The following CTNNBL1 variants were observed in gnomAD, a reference collection of about 807,000 sequenced individuals.
CTNNBL1 encodes beta-catenin-like protein 1.
Under a neutral mutation model 72.7 loss-of-function variants are expected in CTNNBL1, and 31 were observed. The observed-to-expected ratio is 0.43, with a 90% CI of 0.32 to 0.58. The LOEUF (loss-of-function observed/expected upper bound fraction) is 0.58, where lower values mean the gene tolerates loss of function less well. Ranked by LOEUF, CTNNBL1 falls within the 20% of genes least tolerant of loss-of-function variation. The pLI is 0.08. For synonymous variants in CTNNBL1, 240 were observed against 267.3 expected (o/e 0.90, Z 1.00); for missense variants, 534 against 725.1 (o/e 0.74, Z 3.03).
At chr20:37,779,002 A>G (rs565132733) in intron 9 of CTNNBL1, among the ~76,000 whole-genome samples, 185 bp from the exon 10 acceptor site, 1 of 150,690 alleles carries the variant, frequency 6.6e-6, no homozygotes, top group East Asian at 1.9e-4. Flanking sequence ...TTTTTTTTGC[A>G]TGTATTTAAT....
chr20:37,739,042 A>G (rs1862505243), intron 3 of CTNNBL1, among the ~76,000 whole-genome samples: 1 of 151,678 alleles, frequency 6.6e-6, no homozygotes, highest in Non-Finnish European at 1.5e-5. Flanking sequence ...TTAGAGTCCT[A>G]TCAGGTTTTG....
chr20:37,803,377 G>A (rs1347231133), intron 11 of CTNNBL1, among the ~76,000 whole-genome samples: 2 of 152,128 alleles, frequency 1.3e-5, no homozygotes, highest in African/African-American at 2.4e-5. Context: ...GAGTAATGAG[G>A]TGGCAACACA....
chr20:37,854,320 A>T (rs907555804), intron 13 of CTNNBL1, among the ~76,000 whole-genome samples: 2 of 152,128 alleles, frequency 1.3e-5, no homozygotes, highest in Non-Finnish European at 2.9e-5. Context: ...CTAATTAGAG[A>T]AACTTAATTT....
At chr20:37,701,932 C>T (rs930400008) in intron 1 of CTNNBL1, among the ~76,000 whole-genome samples, 1 of 148,882 alleles carries the variant, frequency 6.7e-6, no homozygotes, top group African/African-American at 2.5e-5. Context: ...ATACATTGTA[C>T]GCTCATCTCA....
intron 10 of CTNNBL1, 62 bp from the exon 11 acceptor site, chr20:37,802,805 T>C: frequency 7.2e-7 from 1 of 1,398,518 alleles, no homozygotes; most frequent in Non-Finnish European, 9.9e-7. Context: ...ATACCCTTTT[T>C]TTTTTTTAAG....
At chr20:37,729,739 C>G (rs1203233242) in intron 1 of CTNNBL1, among the ~76,000 whole-genome samples, 1 of 152,180 alleles carries the variant, frequency 6.6e-6, no homozygotes, top group African/African-American at 2.4e-5. Flanking sequence ...TGAGGAGCTA[C>G]AGATTTCCAG....
intron 6 of CTNNBL1, 89 bp downstream of exon 6, chr20:37,765,379 G>C: frequency 1.2e-6 from 1 of 824,412 alleles, no homozygotes; most frequent in Non-Finnish European, 2.0e-6. Context: ...TCATAATAGA[G>C]TCAATAGCAG....
In CTNNBL1 at chr20:37,806,614, G is replaced by GT. The variant is rs1190178063; in HGVS notation, c.1213+3567dup. ...GTGCATGCGCAATGGGTAAACATATGTAACACATTCCATGTTCACTCTGGG... is the reference window on the plus strand; with the variant it reads ...GTGCATGCGCAATGGGTAAACATATGTTAACACATTCCATGTTCACTCTGGG... On this transcript the variant is annotated intron_variant, in intron 11 of 15. Transcript: ENST00000361383. Among the ~76,000 whole-genome samples the GT allele has an allele frequency of 2.6e-5, 4 of 152,282 alleles. No individual in the cohort carries two copies. The East Asian group carries it at 7.7e-4, about 29-fold the overall frequency.
At chr20:37,805,373 C>T (rs924786705) in intron 11 of CTNNBL1, among the ~76,000 whole-genome samples, 1 of 151,578 alleles carries the variant, frequency 6.6e-6, no homozygotes, top group Non-Finnish European at 1.5e-5. Context: ...TTTAGTTGTC[C>T]TTAGTCCTTA....
chr20:37,866,418 T>G (rs1471241069), intron 15 of CTNNBL1, among the ~76,000 whole-genome samples: 1 of 152,222 alleles, frequency 6.6e-6, no homozygotes, highest in Non-Finnish European at 1.5e-5. Context: ...TTCTAGTGTC[T>G]GACCTCAGGC....
intron 13 of CTNNBL1, among the ~76,000 whole-genome samples, chr20:37,851,831 C>T (rs915100570): frequency 4.6e-5 from 7 of 152,302 alleles, no homozygotes; most frequent in Middle Eastern, 3.4e-3. Context: ...TGTTAGGATT[C>T]GGTTTTTGCT....
At chr20:37,854,604 A>ATTT (rs1555834805) in intron 13 of CTNNBL1, among the ~76,000 whole-genome samples, 1 of 114,536 alleles carries the variant, frequency 8.7e-6, no homozygotes, top group East Asian at 2.6e-4. Context: ...TATTATTATT[A>ATTT]TTTGAGACGG....
intron 1 of CTNNBL1, among the ~76,000 whole-genome samples, chr20:37,716,106 T>G (rs1386728061): frequency 6.6e-6 from 1 of 152,224 alleles, no homozygotes; most frequent in Non-Finnish European, 1.5e-5. Context: ...AATTATTTTA[T>G]TCTACTGTTT....
In CTNNBL1 at chr20:37,701,993, G is replaced by A. The variant is rs546842346; in HGVS notation, c.30+7841G>A. Among the ~76,000 whole-genome samples the A allele has an allele frequency of 2.0e-5, 3 of 152,308 alleles. No homozygotes were observed. In the East Asian group the frequency reaches 5.8e-4, roughly 29 times the overall value. ...CGTACGCACGTGGAATGAATCATTG[G>A]TTGTTTTACAGTGCTAACAGTATAC... On this transcript the variant is annotated intron_variant, in intron 1 of 15. Transcript: ENST00000361383.
intron 11 of CTNNBL1, among the ~76,000 whole-genome samples, chr20:37,824,159 A>C (rs2072136780): frequency 6.6e-6 from 1 of 152,226 alleles, no homozygotes; most frequent in Admixed American, 6.5e-5. Context: ...AGCTATCTTC[A>C]TTAGAGGACT....
At chr20:37,711,930 A>G (rs1806703371) in intron 1 of CTNNBL1, among the ~76,000 whole-genome samples, 1 of 152,156 alleles carries the variant, frequency 6.6e-6, no homozygotes, top group African/African-American at 2.4e-5. Context: ...CTTTATTCCT[A>G]GCACCATGGG....
In CTNNBL1 at chr20:37,703,652, T is replaced by G. The variant is rs568917249; in HGVS notation, c.30+9500T>G. On this transcript the variant is annotated intron_variant, in intron 1 of 15. Transcript: ENST00000361383. The stretch of plus-strand genomic sequence containing the variant: ...GTTCAGATATCACATAATTCTCTGC[T>G]TCCTCCCCTGCCTATCCCCATGGCC... 3.9e-5 allele frequency among the ~76,000 whole-genome samples: 6 copies of G among 152,312 alleles called. No homozygotes were observed. The South Asian group carries it at 1.2e-3, about 32-fold the overall frequency.
rs112510441 is a variant in CTNNBL1 at position 37,697,028 on chromosome 20, A to G, written c.30+2876A>G. 1.6e-3 allele frequency among the ~76,000 whole-genome samples: 247 copies of G among 151,476 alleles called. 1 individual carries two copies. Among genetic ancestry groups the G allele is most frequent in the African/African-American group, 5.7e-3 (236 of 41,280 alleles). ...GAAACCATGTCTCTACTAAAAATATAAAAAATTAGCCGGGCGTGGTGGTGC... is the reference window on the plus strand; with the variant it reads ...GAAACCATGTCTCTACTAAAAATATGAAAAATTAGCCGGGCGTGGTGGTGC... On this transcript the variant is annotated intron_variant, in intron 1 of 15. Coordinates refer to ENST00000361383, the MANE Select transcript of CTNNBL1 (RefSeq NM_030877.5).
chr20:37,834,013 A>G (rs892139585), intron 11 of CTNNBL1, among the ~76,000 whole-genome samples: 3 of 152,174 alleles, frequency 2.0e-5, no homozygotes, highest in Non-Finnish European at 4.4e-5. Context: ...TCAATTGGCA[A>G]CCTATCCTTC....
Sources: gnomAD v4.1 joint callset for allele counts (sites outside exome capture counted in the v4.1 genomes callset) on GRCh38, gnomAD v4.1.1 for gene constraint, MANE v1.5 for transcripts, NCBI Gene and HGNC (gene_info 2026-07-23, HGNC 2026-07-21) for gene names.